Variants in NKAIN2 observed in about 807,000 individuals in gnomAD.
The protein encoded by NKAIN2 is sodium/potassium-transporting ATPase subunit beta-1-interacting protein 2.
A neutral mutation model predicts 32.6 loss-of-function variants in NKAIN2; 14 were observed. The observed-to-expected ratio is 0.43, with a 90% CI of 0.28 to 0.67. The LOEUF is 0.67. Ranked by LOEUF, NKAIN2 falls within the 30% of genes least tolerant of loss-of-function variation. NKAIN2 has a pLI of 0.17. For synonymous variants in NKAIN2, 80 were observed against 87.2 expected (o/e 0.92, Z 0.46); for missense variants, 198 against 258.3 (o/e 0.77, Z 1.60).
At chr6:124,513,019 T>C (rs2114777581) in intron 3 of NKAIN2, among the ~76,000 whole-genome samples, 1 of 152,174 alleles carries the variant, frequency 6.6e-6, no homozygotes, top group African/African-American at 2.4e-5. Context: ...TTTCCAACTG[T>C]GTTTCCTCTT....
intron 1 of NKAIN2, among the ~76,000 whole-genome samples, chr6:123,829,639 C>G (rs900478266): frequency 6.6e-6 from 1 of 152,142 alleles, no homozygotes. Flanking sequence ...TGAGGACCAA[C>G]CACAGAGTCC....
chr6:124,509,280 A>G (rs1443996515), intron 3 of NKAIN2, among the ~76,000 whole-genome samples: 3 of 152,214 alleles, frequency 2.0e-5, no homozygotes, highest in Admixed American at 1.3e-4. Context: ...AATAGGACTT[A>G]GAAAGGGTGG....
At chr6:124,075,683 C>T (rs554375785) in intron 1 of NKAIN2, among the ~76,000 whole-genome samples, 58 of 152,248 alleles carry the variant, frequency 3.8e-4, no homozygotes, top group Non-Finnish European at 8.8e-5. Flanking sequence ...GCAACCTCTG[C>T]CTCCCGGGTT....
At chr6:124,457,162 CT>C (rs1457635432) in intron 3 of NKAIN2, among the ~76,000 whole-genome samples, 1 of 151,902 alleles carries the variant, frequency 6.6e-6, no homozygotes, top group Admixed American at 6.6e-5. Flanking sequence ...CACCTAGATT[CT>C]AGAACTTTGT....
At chr6:123,996,266 T>C (rs960268185) in intron 1 of NKAIN2, among the ~76,000 whole-genome samples, 2 of 152,080 alleles carry the variant, frequency 1.3e-5, no homozygotes, top group African/African-American at 4.8e-5. Flanking sequence ...TTAATGAGGG[T>C]AAATAGTAAA....
intron 2 of NKAIN2, among the ~76,000 whole-genome samples, chr6:124,340,029 A>T (rs776235151): frequency 5.9e-5 from 9 of 152,148 alleles, no homozygotes; most frequent in Non-Finnish European, 1.3e-4. Flanking sequence ...TTATTGGGCT[A>T]ATCCAAGAAA....
At chr6:124,554,763 T>G (rs562350816) in intron 3 of NKAIN2, among the ~76,000 whole-genome samples, 1 of 152,324 alleles carries the variant, frequency 6.6e-6, no homozygotes. Flanking sequence ...CAGCACTTTT[T>G]CCTTTTTGTT....
Position 124,321,194 on chromosome 6 carries a change from T to C in NKAIN2, c.193-34073T>C, listed in dbSNP as rs145153686. 1.8e-4 allele frequency among the ~76,000 whole-genome samples: 28 copies of C among 152,316 alleles called. No individual in the cohort carries two copies. The East Asian group carries it at 5.0e-3, about 27-fold the overall frequency. On this transcript the variant is annotated intron_variant, in intron 2 of 6. Coordinates refer to ENST00000368417, the MANE Select transcript of NKAIN2 (RefSeq NM_001040214.3). ...TAGCACCTTTGCATCTGTTTTCCCATTGATTACTTTAAAATCCCCATTCCC... is the reference window on the plus strand; with the variant it reads ...TAGCACCTTTGCATCTGTTTTCCCACTGATTACTTTAAAATCCCCATTCCC...
intron 1 of NKAIN2, among the ~76,000 whole-genome samples, chr6:124,199,245 G>C (rs1055987087): frequency 1.3e-5 from 2 of 152,144 alleles, no homozygotes; most frequent in Non-Finnish European, 2.9e-5. Context: ...TTTTAAGAAG[G>C]AAGTAGAAGA....
At chr6:124,242,376 T>C (rs1403915356) in intron 1 of NKAIN2, among the ~76,000 whole-genome samples, 1 of 152,042 alleles carries the variant, frequency 6.6e-6, no homozygotes, top group Non-Finnish European at 1.5e-5. Flanking sequence ...ATGGTGATCA[T>C]TAAAAAATCA....
chr6:124,496,763 A>T (rs1778078073), intron 3 of NKAIN2, among the ~76,000 whole-genome samples: 1 of 152,086 alleles, frequency 6.6e-6, no homozygotes, highest in South Asian at 2.1e-4. Flanking sequence ...TTATTTTTGT[A>T]TTTAAAATAT....
At chr6:124,630,655 T>G (rs1210465249) in intron 3 of NKAIN2, among the ~76,000 whole-genome samples, 1 of 152,156 alleles carries the variant, frequency 6.6e-6, no homozygotes, top group African/African-American at 2.4e-5. Context: ...CAGGAGCTCT[T>G]TCAAAATTTC....
At chr6:124,711,536 C>A (rs2114605544) in intron 4 of NKAIN2, among the ~76,000 whole-genome samples, 1 of 150,784 alleles carries the variant, frequency 6.6e-6, no homozygotes, top group East Asian at 2.0e-4. Flanking sequence ...TCTTTTTTCT[C>A]TAAACTTCCC....
intron 1 of NKAIN2, among the ~76,000 whole-genome samples, chr6:124,070,086 T>C (rs767746768): frequency 2.1e-4 from 32 of 152,196 alleles, no homozygotes; most frequent in Non-Finnish European, 2.9e-4. Context: ...TGTCAGCACC[T>C]ATCTTTCCTT....
intron 3 of NKAIN2, among the ~76,000 whole-genome samples, chr6:124,430,196 A>G (rs562905896): frequency 3.7e-4 from 56 of 152,360 alleles, no homozygotes; most frequent in Non-Finnish European, 7.3e-4. Flanking sequence ...AACTAAAAAA[A>G]TAAAGTCCTC....
intron 1 of NKAIN2, among the ~76,000 whole-genome samples, chr6:123,813,081 A>C (rs1333654054): frequency 6.6e-6 from 1 of 152,242 alleles, no homozygotes; most frequent in Non-Finnish European, 1.5e-5. Flanking sequence ...AGAGTTATAC[A>C]AGGTGGATCA....
chr6:123,830,444 T>A (rs1364055280), intron 1 of NKAIN2, among the ~76,000 whole-genome samples: 1 of 152,100 alleles, frequency 6.6e-6, no homozygotes, highest in African/African-American at 2.4e-5. Flanking sequence ...CTAATAAATT[T>A]CCCCCTGTTT....
intron 1 of NKAIN2, among the ~76,000 whole-genome samples, chr6:123,858,120 A>ATTT (rs772284498): frequency 1.4e-5 from 2 of 148,070 alleles, no homozygotes; most frequent in Non-Finnish European, 3.0e-5. Context: ...TATTATTATT[A>ATTT]TTTTTTTTTT....
At chr6:124,267,465 G>GAAAAAAAAAAAAAAAAAAACAA in intron 1 of NKAIN2, among the ~76,000 whole-genome samples, 1 of 138,720 alleles carries the variant, frequency 7.2e-6, no homozygotes. Flanking sequence ...CCAATAATAT[G>GAAAAAAAAAAAAAAAAAAACAA]GCAAAACCAT....
Sources: gnomAD v4.1 joint callset for allele counts (sites outside exome capture counted in the v4.1 genomes callset) on GRCh38, gnomAD v4.1.1 for gene constraint, MANE v1.5 for transcripts, NCBI Gene and HGNC (gene_info 2026-07-23, HGNC 2026-07-21) for gene names.